Variants in GMDS observed in about 807,000 individuals in gnomAD.
GMDS encodes GDP-mannose 4,6-dehydratase.
A neutral mutation model predicts 49.9 loss-of-function variants in GMDS; 20 were observed. That is an observed-to-expected ratio of 0.40 (90% CI 0.28 to 0.58). The LOEUF is 0.58. Ranked by LOEUF, GMDS falls within the 20% of genes least tolerant of loss-of-function variation. The pLI is 0.42. For missense variants in GMDS, 362 were observed against 481.4 expected, an observed-to-expected ratio of 0.75 and a Z score of 2.32; for synonymous variants, 177 against 178.6, an observed-to-expected ratio of 0.99 and a Z score of 0.07.
At chr6:2,227,516 T>C (rs752112575) in intron 1 of GMDS, among the ~76,000 whole-genome samples, 14 of 152,206 alleles carry the variant, frequency 9.2e-5, no homozygotes, top group Admixed American at 5.9e-4. Flanking sequence ...AAGTATTCTT[T>C]TGGAACAAGC....
chr6:2,008,753 C>T (rs984994142), intron 4 of GMDS, among the ~76,000 whole-genome samples: 3 of 152,168 alleles, frequency 2.0e-5, no homozygotes, highest in African/African-American at 7.2e-5. Flanking sequence ...GTGCTTCATA[C>T]TTGTCCTGTG....
intron 7 of GMDS, among the ~76,000 whole-genome samples, chr6:1,882,857 C>T (rs1439114671): frequency 1.3e-5 from 2 of 152,156 alleles, no homozygotes; most frequent in Admixed American, 1.3e-4. Flanking sequence ...GTCTTTATAA[C>T]TTTTAGGCTT....
At chr6:1,855,899 G>A (rs934169116) in intron 7 of GMDS, among the ~76,000 whole-genome samples, 1 of 152,130 alleles carries the variant, frequency 6.6e-6, no homozygotes, top group African/African-American at 2.4e-5. Context: ...ACGTATGGAT[G>A]GATGGATGCA....
At chr6:2,141,905 C>T (rs2127529016) in intron 1 of GMDS, among the ~76,000 whole-genome samples, 1 of 149,408 alleles carries the variant, frequency 6.7e-6, no homozygotes, top group South Asian at 2.1e-4. Context: ...CTTTCTTCTC[C>T]CCCACAACAC....
At chr6:2,216,166 T>A (rs767544211) in intron 1 of GMDS, among the ~76,000 whole-genome samples, 31 of 152,310 alleles carry the variant, frequency 2.0e-4, no homozygotes, top group Admixed American at 5.2e-4. Context: ...TAGGACAGCA[T>A]ATAGACTTAA....
In GMDS at chr6:1,778,441, T is replaced by C. The variant is rs1201757060; in HGVS notation, c.772-35855A>G. On this transcript the variant is annotated intron_variant, in intron 7 of 10. Transcript: ENST00000380815. This position sits in a 1 kb window ranked among gnomAD's most constrained non-coding sequence, Gnocchi z 4.6. ...CAGACGAGTGGAACGGCGGGCACTG[T>C]GCTGAGGAGTGGCCAAGGAACTGTG... Among the ~76,000 whole-genome samples the C allele has an allele frequency of 6.6e-6, 1 of 152,144 alleles. No individual in the cohort carries two copies. Among genetic ancestry groups the C allele is most frequent in the East Asian group, 1.9e-4 (1 of 5,202 alleles).
At chr6:1,868,170 AG>A (rs1379813354) in intron 7 of GMDS, among the ~76,000 whole-genome samples, 1 of 152,026 alleles carries the variant, frequency 6.6e-6, no homozygotes, top group Non-Finnish European at 1.5e-5. Flanking sequence ...TATTTTTAGT[AG>A]AGATGGGGTT....
At chr6:2,212,781 T>C (rs1199870968) in intron 1 of GMDS, among the ~76,000 whole-genome samples, 1 of 151,966 alleles carries the variant, frequency 6.6e-6, no homozygotes, top group African/African-American at 2.4e-5. Context: ...ACATTCATTT[T>C]TCACATGTGC....
chr6:2,044,806 T>C (rs1283401465), intron 4 of GMDS, among the ~76,000 whole-genome samples: 5 of 152,214 alleles, frequency 3.3e-5, no homozygotes, highest in Non-Finnish European at 2.9e-5. Context: ...GTTTCACAGC[T>C]AAATATGTCT....
intron 9 of GMDS, among the ~76,000 whole-genome samples, chr6:1,647,834 G>A (rs1014481435): frequency 3.3e-5 from 5 of 152,144 alleles, no homozygotes; most frequent in African/African-American, 1.2e-4. Flanking sequence ...CTCAGCATCC[G>A]GACCTACCGA....
intron 7 of GMDS, among the ~76,000 whole-genome samples, chr6:1,748,138 C>T (rs1767587036): frequency 6.6e-6 from 1 of 152,158 alleles, no homozygotes; most frequent in Non-Finnish European, 1.5e-5. Context: ...CAGCTAAAAA[C>T]TCCAGGTTGG....
intron 1 of GMDS, among the ~76,000 whole-genome samples, chr6:2,130,995 T>C (rs1270731611): frequency 6.6e-6 from 1 of 152,166 alleles, no homozygotes; most frequent in African/African-American, 2.4e-5. Context: ...TTTTACCAAT[T>C]GGTTTGTTCT....
intron 6 of GMDS, among the ~76,000 whole-genome samples, chr6:1,937,859 C>T (rs755451389): frequency 1.5e-4 from 23 of 152,132 alleles, no homozygotes; most frequent in Non-Finnish European, 2.9e-4. Flanking sequence ...ACCACCCAAC[C>T]CACTATAAGA....
At chr6:2,210,759 C>T (rs1194892299) in intron 1 of GMDS, among the ~76,000 whole-genome samples, 1 of 152,212 alleles carries the variant, frequency 6.6e-6, no homozygotes, top group African/African-American at 2.4e-5. Context: ...CCCTATCACA[C>T]CACATGTAGT....
chr6:1,933,032 C>G (rs1007170045), intron 6 of GMDS, among the ~76,000 whole-genome samples: 1 of 152,132 alleles, frequency 6.6e-6, no homozygotes, highest in Non-Finnish European at 1.5e-5. Flanking sequence ...CAGTCACTCA[C>G]CAGTTTTCTC....
In GMDS at chr6:1,801,551, A is replaced by T. The variant is rs565719071; in HGVS notation, c.772-58965T>A. On this transcript the variant is annotated intron_variant, in intron 7 of 10. Transcript: ENST00000380815. ...TTTCCATGCAAAACCCACTCACATG[A>T]TGCATTCCCCACCCCACCTCACTCC... Among the ~76,000 whole-genome samples the T allele has an allele frequency of 4.2e-4, 64 of 152,340 alleles. 1 individual carries two copies. Among genetic ancestry groups the T allele is most frequent in the African/African-American group, 1.5e-3 (62 of 41,572 alleles).
At chr6:2,140,993 G>A (rs1776256795) in intron 1 of GMDS, among the ~76,000 whole-genome samples, 1 of 152,196 alleles carries the variant, frequency 6.6e-6, no homozygotes, top group African/African-American at 2.4e-5. Flanking sequence ...AACTAAAGTG[G>A]CTTCACAGTG....
At chr6:2,058,394 G>A (rs1004856166) in intron 4 of GMDS, among the ~76,000 whole-genome samples, 7 of 148,484 alleles carry the variant, frequency 4.7e-5, no homozygotes, top group Admixed American at 3.3e-4. Flanking sequence ...GAGGAAAAAT[G>A]TCCCTAAAAA....
intron 7 of GMDS, among the ~76,000 whole-genome samples, chr6:1,765,368 G>A (rs1377536215): frequency 6.6e-6 from 1 of 152,150 alleles, no homozygotes; most frequent in African/African-American, 2.4e-5. Context: ...ACAAGAAGGT[G>A]AGATGGGAAC....
Sources: allele counts gnomAD v4.1 joint callset (sites outside exome capture counted in the v4.1 genomes callset), GRCh38; gene constraint gnomAD v4.1.1; non-coding constraint Gnocchi (gnomAD v3.1); transcripts MANE v1.5; gene names NCBI Gene and HGNC (gene_info 2026-07-23, HGNC 2026-07-21).